The following PRKAR1B variants were observed in gnomAD, a reference collection of about 807,000 sequenced individuals.
PRKAR1B encodes the protein cAMP-dependent protein kinase type I-beta regulatory subunit.
PRKAR1B carries 22 observed loss-of-function variants against 46.5 expected under a neutral mutation model. That is an observed-to-expected ratio of 0.47 (90% CI 0.34 to 0.68). PRKAR1B has a LOEUF of 0.68. Among genes scored for constraint, PRKAR1B ranks in the 30% least tolerant of loss-of-function variants. The pLI, the probability that PRKAR1B is intolerant of heterozygous loss-of-function variation, is 0.01. For missense variants in PRKAR1B, 445 were observed against 535.6 expected (o/e 0.83, Z 1.67); for synonymous variants, 259 against 217.7 (o/e 1.19, Z -1.67).
At chr7:611,769 AATGGATGG>A (rs66758527) in intron 4 of PRKAR1B, among the ~76,000 whole-genome samples, 3 of 150,072 alleles carry the variant, frequency 2.0e-5, no homozygotes, top group African/African-American at 7.3e-5. Flanking sequence ...TAGACGAATG[AATGGATGG>A]ATGGATGGAT....
chr7:577,625 G>A lies in PRKAR1B; in HGVS notation c.891+1631C>T, dbSNP rs541468035. Among the ~76,000 whole-genome samples the A allele has an allele frequency of 1.5e-4, 23 of 152,276 alleles. 1 individual carries two copies. Among genetic ancestry groups the A allele is most frequent in the South Asian group, 1.2e-3 (6 of 4,824 alleles). On this transcript the variant is annotated intron_variant, in intron 9 of 10. Coordinates refer to ENST00000537384, the MANE Select transcript of PRKAR1B (RefSeq NM_001164760.2). The stretch of plus-strand genomic sequence containing the variant: ...GCCCCAGGCAGAGCCTCCGGACGAC[G>A]GACGCACTGCCGGCCCTGGGGTTCC...
At chr7:605,978 C>T (rs111449241) in intron 6 of PRKAR1B, among the ~76,000 whole-genome samples, 18 of 152,334 alleles carry the variant, frequency 1.2e-4, no homozygotes, top group African/African-American at 3.6e-4. Context: ...AGGCCGCTGC[C>T]GGCACCTGCC....
chr7:594,961 C>T (rs954138038), intron 7 of PRKAR1B, among the ~76,000 whole-genome samples: 2 of 152,206 alleles, frequency 1.3e-5, no homozygotes, highest in African/African-American at 4.8e-5. Context: ...GATGAATGGC[C>T]GCACGGGGTG....
chr7:672,491 C>A (rs1786315901), intron 4 of PRKAR1B, among the ~76,000 whole-genome samples: 1 of 151,666 alleles, frequency 6.6e-6, no homozygotes, highest in African/African-American at 2.4e-5. Context: ...AAGCTGTGCT[C>A]CACCCACCGC....
chr7:650,418 G>A (rs575997609), intron 4 of PRKAR1B, among the ~76,000 whole-genome samples: 4 of 138,666 alleles, frequency 2.9e-5, no homozygotes, highest in East Asian at 5.2e-4. Flanking sequence ...TTCCAACCAC[G>A]AAAGGCTCTT....
chr7:665,632 G>A (rs1327754135), intron 4 of PRKAR1B, among the ~76,000 whole-genome samples: 1 of 152,236 alleles, frequency 6.6e-6, no homozygotes, highest in Non-Finnish European at 1.5e-5. Flanking sequence ...AAGCCATTAA[G>A]CATCTCCTCG....
chr7:586,241 A>G (rs113922828), intron 7 of PRKAR1B, among the ~76,000 whole-genome samples: 73 of 152,308 alleles, frequency 4.8e-4, no homozygotes, highest in African/African-American at 1.6e-3. Context: ...TACACCTGGC[A>G]TGGAGGCAGC....
chr7:685,837 T>G (rs1403032190), intron 2 of PRKAR1B, among the ~76,000 whole-genome samples: 1 of 152,184 alleles, frequency 6.6e-6, no homozygotes, highest in Non-Finnish European at 1.5e-5. Context: ...ACTTTTTAAC[T>G]TTCAGAATTT....
chr7:583,714 T>C (rs1275279645), intron 8 of PRKAR1B, among the ~76,000 whole-genome samples: 1 of 146,336 alleles, frequency 6.8e-6, no homozygotes, highest in East Asian at 2.0e-4. Context: ...ACACGTGCAA[T>C]TCACACGCAT....
chr7:696,053 C>T (rs761982987), intron 2 of PRKAR1B, among the ~76,000 whole-genome samples: 5 of 150,562 alleles, frequency 3.3e-5, no homozygotes, highest in Non-Finnish European at 7.4e-5. Context: ...ACTGCAGCCT[C>T]GACCACCCAG....
At chr7:637,281 T>G (rs1025376054) in intron 4 of PRKAR1B, among the ~76,000 whole-genome samples, 24 of 152,112 alleles carry the variant, frequency 1.6e-4, no homozygotes, top group African/African-American at 5.8e-4. Flanking sequence ...TAGCTGGGCA[T>G]GGTGGCGCAC....
At chr7:690,796 A>C (rs1174827176) in intron 2 of PRKAR1B, among the ~76,000 whole-genome samples, 2 of 152,104 alleles carry the variant, frequency 1.3e-5, no homozygotes, top group African/African-American at 4.8e-5. Flanking sequence ...TGTAAAAAAA[A>C]ACAAAAAAAC....
chr7:695,028 C>T (rs1311589715), intron 2 of PRKAR1B, among the ~76,000 whole-genome samples: 2 of 135,292 alleles, frequency 1.5e-5, no homozygotes, highest in Admixed American at 7.1e-5. Flanking sequence ...AAGACTCCGT[C>T]TCAAAAAAAA....
chr7:694,912 T>G (rs1410252208), intron 2 of PRKAR1B, among the ~76,000 whole-genome samples: 1 of 151,894 alleles, frequency 6.6e-6, no homozygotes, highest in Non-Finnish European at 1.5e-5. Context: ...GGTGGGCACC[T>G]GTCATCCCAG....
intron 2 of PRKAR1B, among the ~76,000 whole-genome samples, chr7:685,075 T>C (rs1324893361): frequency 6.6e-6 from 1 of 151,536 alleles, no homozygotes; most frequent in Non-Finnish European, 1.5e-5. Flanking sequence ...GGGAGGTCCA[T>C]GAATGTAACC....
Position 679,339 on chromosome 7 carries a change from G to A in PRKAR1B, c.348+1217C>T, listed in dbSNP as rs75912032. ...CCGTCCTGTCTCCCCCGTGGCCTCC[G>A]GTCTGCAACAGTTCTTCACACTCTC... is the stretch of plus-strand genomic sequence containing the variant. On this transcript the variant is annotated intron_variant, in intron 3 of 10. Transcript: ENST00000537384. 1.5e-4 allele frequency among the ~76,000 whole-genome samples: 23 copies of A among 152,210 alleles called. No homozygotes were observed. In the East Asian group the frequency reaches 4.1e-3, roughly 27 times the overall value.
rs374332273 is a variant in PRKAR1B, at chr7:662,161, A to G, written c.440+15068T>C. Among the ~76,000 whole-genome samples, 2 of 56,330 alleles carry G rather than the reference A, an allele frequency of 3.6e-5. 1 individual carries two copies. Among genetic ancestry groups the G allele is most frequent in the Non-Finnish European group, 6.3e-5 (2 of 31,546 alleles). The allele number at this position is 56,330 out of a possible 152,430, so 37.0% of individuals were successfully genotyped here. On this transcript the variant is annotated intron_variant, in intron 4 of 10. Transcript: ENST00000537384. ...CTCTTTCCCTCCATGGCACAGGTCC[A>G]CACCCCAACAGATCCAAATACCTAC...
At chr7:553,469 C>G (rs1187902619) in intron 9 of PRKAR1B, among the ~76,000 whole-genome samples, 1 of 152,184 alleles carries the variant, frequency 6.6e-6, no homozygotes, top group Non-Finnish European at 1.5e-5. Flanking sequence ...CATTTTACAG[C>G]CGGGGAAGCT....
At chr7:695,756 C>T (rs917790593) in intron 2 of PRKAR1B, among the ~76,000 whole-genome samples, 2 of 152,022 alleles carry the variant, frequency 1.3e-5, no homozygotes, top group Non-Finnish European at 1.5e-5. Flanking sequence ...CTCCGCCTCC[C>T]GGGTTCATGC....
Sources: allele counts gnomAD v4.1 joint callset (sites outside exome capture counted in the v4.1 genomes callset), GRCh38; gene constraint gnomAD v4.1.1; transcripts MANE v1.5; gene names NCBI Gene and HGNC (gene_info 2026-07-23, HGNC 2026-07-21).